CADPS2: variants seen among roughly 807,000 people sequenced by gnomAD.
CADPS2 encodes the protein calcium-dependent secretion activator 2.
Under a neutral mutation model 172.5 loss-of-function variants are expected in CADPS2, and 93 were observed. The ratio of observed to expected loss-of-function variants is 0.54; its 90% CI spans 0.46 to 0.64. The LOEUF is 0.64. Ranked by LOEUF, CADPS2 falls within the 30% of genes least tolerant of loss-of-function variation. The pLI is 0.00. For synonymous variants in CADPS2, 546 were observed against 555.2 expected (o/e 0.98, Z 0.23); for missense variants, 1,420 against 1,565.9 (o/e 0.91, Z 1.57).
At chr7:122,592,182 T>G (rs868839654) in intron 6 of CADPS2, among the ~76,000 whole-genome samples, 9 of 152,268 alleles carry the variant, frequency 5.9e-5, no homozygotes, top group Middle Eastern at 6.8e-3. Context: ...GCGAAGGAGA[T>G]GAACAGACAC....
chr7:122,474,924 G>C (rs2056452290), intron 12 of CADPS2, among the ~76,000 whole-genome samples: 1 of 152,172 alleles, frequency 6.6e-6, no homozygotes, highest in Non-Finnish European at 1.5e-5. Flanking sequence ...AACTAGGGCA[G>C]AATTGAACAC....
intron 1 of CADPS2, among the ~76,000 whole-genome samples, chr7:122,874,314 T>A (rs1387541986): frequency 2.6e-5 from 4 of 152,086 alleles, no homozygotes; most frequent in African/African-American, 9.7e-5. Flanking sequence ...CATCTAGGAA[T>A]ACAACTTACA....
At chr7:122,360,892 T>G in intron 26 of CADPS2, 38 bp downstream of exon 26, 1 of 1,605,664 alleles carries the variant, frequency 6.2e-7, no homozygotes, top group South Asian at 1.1e-5. Flanking sequence ...ATGACAACAG[T>G]TAAAAGACCA....
chr7:122,463,967 A>G (rs558899898), intron 14 of CADPS2, among the ~76,000 whole-genome samples: 1 of 152,354 alleles, frequency 6.6e-6, no homozygotes, highest in Non-Finnish European at 1.5e-5. Context: ...TACACATCAT[A>G]TATCACCTAG....
chr7:122,774,498 C>A (rs2093814026), intron 1 of CADPS2, among the ~76,000 whole-genome samples: 1 of 152,012 alleles, frequency 6.6e-6, no homozygotes. Context: ...GGCCTGAATT[C>A]TTCCTTCATT....
chr7:122,415,724 C>T (rs866822671), intron 18 of CADPS2, among the ~76,000 whole-genome samples: 1 of 152,054 alleles, frequency 6.6e-6, no homozygotes, highest in African/African-American at 2.4e-5. Flanking sequence ...CTCTTGTGGT[C>T]ATTAACTTTC....
intron 27 of CADPS2, among the ~76,000 whole-genome samples, chr7:122,348,791 G>A (rs372425497): frequency 7.2e-5 from 11 of 152,126 alleles, no homozygotes; most frequent in African/African-American, 2.7e-4. Context: ...TAGAATTGTA[G>A]TTCTTTAAAA....
chr7:122,432,532 T>C (rs552912294), intron 17 of CADPS2, among the ~76,000 whole-genome samples: 3 of 151,350 alleles, frequency 2.0e-5, no homozygotes, highest in Admixed American at 6.6e-5. Context: ...TCCCAGCTAC[T>C]TGTAAAGCTG....
At chr7:122,642,566 A>T (rs12538945) in intron 3 of CADPS2, among the ~76,000 whole-genome samples, 7 of 137,702 alleles carry the variant, frequency 5.1e-5, no homozygotes, top group East Asian at 2.0e-4. Context: ...TTTTTTTTTT[A>T]CAACTTATTA....
intron 1 of CADPS2, among the ~76,000 whole-genome samples, chr7:122,815,925 C>T (rs1584568684): frequency 6.6e-6 from 1 of 152,054 alleles, no homozygotes; most frequent in Non-Finnish European, 1.5e-5. Context: ...TTTAGGAGTA[C>T]ATGTGAAATT....
chr7:122,882,850 A>G (rs1454212371), intron 1 of CADPS2, among the ~76,000 whole-genome samples: 1 of 152,112 alleles, frequency 6.6e-6, no homozygotes, highest in East Asian at 1.9e-4. Context: ...CACTATCACT[A>G]CTGACATCAC....
chr7:122,777,489 T>G (rs905547581), intron 1 of CADPS2, among the ~76,000 whole-genome samples: 2 of 152,154 alleles, frequency 1.3e-5, no homozygotes, highest in Non-Finnish European at 2.9e-5. Context: ...ATGACATCTC[T>G]TAAACGGGCT....
intron 1 of CADPS2, among the ~76,000 whole-genome samples, chr7:122,793,332 T>C (rs1764814529): frequency 6.6e-6 from 1 of 152,214 alleles, no homozygotes; most frequent in South Asian, 2.1e-4. Flanking sequence ...CATATACATT[T>C]AAGATAGTGA....
intron 9 of CADPS2, among the ~76,000 whole-genome samples, chr7:122,495,851 G>A (rs1470163584): frequency 6.6e-6 from 1 of 151,830 alleles, no homozygotes; most frequent in Non-Finnish European, 1.5e-5. Flanking sequence ...AACTTTGATG[G>A]GTGGGAAGTG....
At chr7:122,608,652 T>C (rs899809124) in intron 6 of CADPS2, among the ~76,000 whole-genome samples, 1 of 152,214 alleles carries the variant, frequency 6.6e-6, no homozygotes, top group Non-Finnish European at 1.5e-5. Flanking sequence ...TATTGCTTCT[T>C]GTCTTTTTAT....
chr7:122,665,652 G>C (rs1322367559), intron 2 of CADPS2, among the ~76,000 whole-genome samples: 1 of 152,148 alleles, frequency 6.6e-6, no homozygotes, highest in African/African-American at 2.4e-5. Flanking sequence ...ATATTATACT[G>C]AGTATGAAAA....
chr7:122,885,973 A>T, intron 1 of CADPS2, 26 bp downstream of exon 1: 1 of 1,588,480 alleles, frequency 6.3e-7, no homozygotes, highest in East Asian at 2.3e-5. Flanking sequence ...AAGTGGTGGT[A>T]GGAGGCGCCC....
At chr7:122,658,180 C>T (rs1161397996) in intron 3 of CADPS2, among the ~76,000 whole-genome samples, 2 of 152,094 alleles carry the variant, frequency 1.3e-5, no homozygotes, top group African/African-American at 4.8e-5. Context: ...CAAATCAAAA[C>T]CACAATGAGA....
chr7:122,517,464 C>T (rs535656092), intron 8 of CADPS2, among the ~76,000 whole-genome samples: 6 of 151,938 alleles, frequency 3.9e-5, no homozygotes, highest in Non-Finnish European at 7.4e-5. Context: ...TTTAACTTTA[C>T]AAGAAACTGC....
Sources: allele counts gnomAD v4.1 joint callset (sites outside exome capture counted in the v4.1 genomes callset), GRCh38; gene constraint gnomAD v4.1.1; transcripts MANE v1.5; gene names NCBI Gene and HGNC (gene_info 2026-07-23, HGNC 2026-07-21).